CPA4: variants seen among roughly 807,000 people sequenced by gnomAD.
The protein encoded by CPA4 is carboxypeptidase A3.
CPA4 carries 49 observed loss-of-function variants against 54.7 expected under a neutral mutation model. That is an observed-to-expected ratio of 0.90 (90% CI 0.71 to 1.14). The LOEUF (loss-of-function observed/expected upper bound fraction) is 1.14. Among genes scored for constraint, CPA4 ranks in the 50% most tolerant of loss-of-function variants. The probability of loss-of-function intolerance (pLI) is 0.00; values close to 1 mark genes in which losing one functional copy is unlikely to be tolerated. For missense variants in CPA4, 487 were observed against 525.1 expected, an observed-to-expected ratio of 0.93 and a Z score of 0.71; for synonymous variants, 215 against 206.8, an observed-to-expected ratio of 1.04 and a Z score of -0.34.
At chr7:130,309,978 A>G (rs1793886208) in intron 8 of CPA4, among the ~76,000 whole-genome samples, 2 of 152,162 alleles carry the variant, frequency 1.3e-5, no homozygotes, top group South Asian at 4.2e-4. Flanking sequence ...TGTTGCCCAG[A>G]CTGGTCTTGA....
intron 10 of CPA4, among the ~76,000 whole-genome samples, chr7:130,321,618 C>G (rs1358533254): frequency 2.0e-5 from 3 of 152,172 alleles, no homozygotes; most frequent in African/African-American, 7.2e-5. Flanking sequence ...AATGGACTCG[C>G]AGTTCCACGT....
At chr7:130,312,157 G>A (rs367928246) in intron 10 of CPA4, 35 bp downstream of exon 10, 7 of 1,500,078 alleles carry the variant, frequency 4.7e-6, no homozygotes, top group Non-Finnish European at 5.6e-6. Flanking sequence ...TATTTAGAAA[G>A]CACTTTGAGA....
intron 4 of CPA4, among the ~76,000 whole-genome samples, chr7:130,301,667 T>C (rs955142420): frequency 5.3e-5 from 8 of 152,208 alleles, no homozygotes; most frequent in African/African-American, 1.9e-4. Flanking sequence ...CATGGTGTTG[T>C]TGGCATGCAT....
intron 10 of CPA4, among the ~76,000 whole-genome samples, chr7:130,318,756 G>GGC (rs2117166151): frequency 6.6e-6 from 1 of 152,132 alleles, no homozygotes; most frequent in East Asian, 1.9e-4. Context: ...ATTCTTTATA[G>GGC]GCCTTGTCTG....
intron 1 of CPA4, chr7:130,293,492 T>C (rs1219453325): frequency 1.5e-5 from 7 of 464,594 alleles, no homozygotes; most frequent in Middle Eastern, 6.1e-4. Flanking sequence ...CCAGTTCTTT[T>C]TCTGCCTAGT....
chr7:130,318,278 T>A (rs1794022111), intron 10 of CPA4, among the ~76,000 whole-genome samples: 1 of 152,198 alleles, frequency 6.6e-6, no homozygotes, highest in African/African-American at 2.4e-5. Context: ...CTTGTCCTCC[T>A]GCATCAGACA....
At chr7:130,307,581 G>A (rs911469159) in intron 7 of CPA4, among the ~76,000 whole-genome samples, 1 of 148,722 alleles carries the variant, frequency 6.7e-6, no homozygotes, top group Non-Finnish European at 1.5e-5. Context: ...GCAGTGAGCC[G>A]AGATGGCGCC....
rs139585673 is a variant in CPA4, at chr7:130,310,725, G to C, written c.794-62G>C. The C allele has an allele frequency of 1.3e-6, 2 of 1,502,896 alleles. No individual in the cohort carries two copies. Among genetic ancestry groups the C allele is most frequent in the African/African-American group, 2.7e-5 (2 of 72,740 alleles). 93.1% of individuals were successfully genotyped at this position (1,502,896 alleles called of 1,614,324 possible). On this transcript the variant is annotated intron_variant, in intron 8 of 10. Coordinates refer to ENST00000222482, the MANE Select transcript of CPA4 (RefSeq NM_016352.4). The surrounding 1 kb of genome is among the most constrained non-coding windows in gnomAD (Gnocchi z 4.3). Reference sequence around the variant, plus strand: ...CCTTCGGCCCCTCTCTAGGTGGAGCGTCTTGCATTTCTGTGTTCTTGGACT... The same window carrying C: ...CCTTCGGCCCCTCTCTAGGTGGAGCCTCTTGCATTTCTGTGTTCTTGGACT...
At chr7:130,304,603 G>A (rs753604619) in intron 5 of CPA4, 24 bp downstream of exon 5, 2 of 1,376,360 alleles carry the variant, frequency 1.5e-6, no homozygotes, top group Non-Finnish European at 2.1e-6. Flanking sequence ...CACTTGGAAG[G>A]GTCTCCTGGG....
intron 3 of CPA4, 193 bp downstream of exon 3, chr7:130,299,597 G>C (rs1384020660): frequency 8.9e-6 from 5 of 563,488 alleles, no homozygotes; most frequent in Non-Finnish European, 1.6e-5. Context: ...GCATAAATAG[G>C]CCAGGGAACC....
At chr7:130,318,376 C>T (rs1324168731) in intron 10 of CPA4, among the ~76,000 whole-genome samples, 4 of 152,166 alleles carry the variant, frequency 2.6e-5, no homozygotes, top group African/African-American at 4.8e-5. Flanking sequence ...AAGGCTCTCC[C>T]GAGGGCTGTC....
intron 10 of CPA4, 91 bp downstream of exon 10, chr7:130,312,213 T>C: frequency 2.2e-6 from 2 of 899,302 alleles, no homozygotes. Context: ...TTAGACTTAC[T>C]TGTCATCTGA....
chr7:130,323,049 A>C lies in CPA4; in HGVS notation c.*373A>C. Reference sequence around the variant, plus strand: ...TCTCTACCCTCATCCACATCTAGCCAAGCCAGTGACCTTGCTCTGGTGGCA... The same window carrying C: ...TCTCTACCCTCATCCACATCTAGCCCAGCCAGTGACCTTGCTCTGGTGGCA... On this transcript the variant is annotated 3_prime_UTR_variant, in exon 11 of 11. Transcript: ENST00000222482. 5.7e-6 allele frequency: 1 copy of C among 176,630 alleles called. No homozygotes were observed. Among genetic ancestry groups the C allele is most frequent in the Non-Finnish European group, 1.2e-5 (1 of 83,512 alleles). 10.9% of individuals were successfully genotyped at this position (176,630 alleles called of 1,614,324 possible).
At chr7:130,295,654 C>G (rs7789567) in intron 1 of CPA4, among the ~76,000 whole-genome samples, 145,902 of 152,312 alleles carry the variant, frequency 0.96, 70,133 homozygotes, top group East Asian at 1. Context: ...TGTCCTCCCT[C>G]CTTTCAGGTG....
chr7:130,313,955 C>A (rs1793951768), intron 10 of CPA4, among the ~76,000 whole-genome samples: 1 of 152,116 alleles, frequency 6.6e-6, no homozygotes, highest in Non-Finnish European at 1.5e-5. Flanking sequence ...AGGGAGACAC[C>A]CACTATGGTA....
At chr7:130,296,334 C>A (rs1238339397) in intron 1 of CPA4, among the ~76,000 whole-genome samples, 1 of 152,210 alleles carries the variant, frequency 6.6e-6, no homozygotes, top group Non-Finnish European at 1.5e-5. Flanking sequence ...ACCTCTGTAG[C>A]TTGGCTGATT....
chr7:130,298,522 G>T (rs1793688562), intron 1 of CPA4, among the ~76,000 whole-genome samples: 1 of 152,106 alleles, frequency 6.6e-6, no homozygotes, highest in East Asian at 1.9e-4. Context: ...ACAATTTTGT[G>T]TCCTGCTCTT....
At chr7:130,308,899 G>A (rs1793870700) in intron 8 of CPA4, among the ~76,000 whole-genome samples, 1 of 146,152 alleles carries the variant, frequency 6.8e-6, no homozygotes, top group Non-Finnish European at 1.5e-5. Flanking sequence ...CCAGGCTGGA[G>A]TGCAGTGGCA....
At position 130,317,344 on chromosome 7, in the gene CPA4, C is replaced by CTA. The variant is rs1460753076; in HGVS notation, c.1079-5144_1079-5143dup. ...CTAGGTGTGCAGTATGTTATACCAT[C>CTA]TAGGTTTGTGTAAGTACATTGCACG... On this transcript the variant is annotated intron_variant, in intron 10 of 10. Transcript: ENST00000222482. 2.0e-5 allele frequency among the ~76,000 whole-genome samples: 3 copies of CTA among 152,194 alleles called. No homozygotes were observed. The East Asian group carries it at 5.8e-4, about 29-fold the overall frequency.
Sources: gnomAD v4.1 joint callset for allele counts (sites outside exome capture counted in the v4.1 genomes callset) on GRCh38, gnomAD v4.1.1 for gene constraint, Gnocchi (gnomAD v3.1) non-coding constraint, MANE v1.5 for transcripts, NCBI Gene and HGNC (gene_info 2026-07-23, HGNC 2026-07-21) for gene names.